The following MDFIC2 variants were observed in gnomAD, a reference collection of about 807,000 sequenced individuals.
MDFIC2 encodes the protein MyoD family inhibitor domain containing 2, also known as myoD family inhibitor domain-containing protein 2.
chr3:70,230,740 C>T (rs1398335100), intron 2 of MDFIC2, among the ~76,000 whole-genome samples: 1 of 152,118 alleles, frequency 6.6e-6, no homozygotes, highest in East Asian at 1.9e-4. Flanking sequence ...AGAATTCATC[C>T]CATGCCTTCA....
At chr3:70,274,080 T>C (rs553994700) in intron 2 of MDFIC2, among the ~76,000 whole-genome samples, 16 of 149,452 alleles carry the variant, frequency 1.1e-4, no homozygotes, top group African/African-American at 3.2e-4. Flanking sequence ...TGTGTGTGTG[T>C]GTGTGTGTGT....
rs915748876 is a variant in MDFIC2 at position 70,310,446 on chromosome 3, A to G, written c.88+1440T>C. ...AGTGGTGTGATCTCGGCTCACTGCA[A>G]CCTCTGCCTCCCCAGTTCAAGCGAT... On this transcript the variant is annotated intron_variant, in intron 2 of 3. Coordinates refer to ENST00000567252, the MANE Select transcript of MDFIC2 (RefSeq NM_001364677.1). Among the ~76,000 whole-genome samples the G allele has an allele frequency of 2.0e-5, 3 of 150,432 alleles. No homozygotes were observed. In the South Asian group the frequency reaches 6.4e-4, roughly 32 times the overall value.
intron 2 of MDFIC2, among the ~76,000 whole-genome samples, chr3:70,239,244 T>C (rs1233037678): frequency 6.6e-6 from 1 of 152,190 alleles, no homozygotes; most frequent in Non-Finnish European, 1.5e-5. Flanking sequence ...CTTGTAGATA[T>C]TGTTATCTTG....
intron 2 of MDFIC2, among the ~76,000 whole-genome samples, chr3:70,309,625 C>T (rs1354757019): frequency 6.6e-6 from 1 of 152,100 alleles, no homozygotes; most frequent in East Asian, 1.9e-4. Flanking sequence ...GCTCTTTTTA[C>T]TGCACCACTT....
chr3:70,305,987 A>T (rs1702396101), intron 2 of MDFIC2, among the ~76,000 whole-genome samples: 2 of 152,186 alleles, frequency 1.3e-5, no homozygotes, highest in Non-Finnish European at 2.9e-5. Context: ...TAATTCTGAT[A>T]ACCATGATAA....
intron 2 of MDFIC2, among the ~76,000 whole-genome samples, chr3:70,305,547 A>G (rs1428545804): frequency 6.6e-6 from 1 of 152,244 alleles, no homozygotes; most frequent in Non-Finnish European, 1.5e-5. Flanking sequence ...AAAGCACTTA[A>G]GTACATGAGT....
At chr3:70,309,738 A>T (rs1360717308) in intron 2 of MDFIC2, among the ~76,000 whole-genome samples, 2 of 152,232 alleles carry the variant, frequency 1.3e-5, no homozygotes, top group African/African-American at 4.8e-5. Flanking sequence ...CCCAATTAAG[A>T]TGTTGTCATC....
chr3:70,276,466 A>C (rs1702027575), intron 2 of MDFIC2, among the ~76,000 whole-genome samples: 1 of 152,184 alleles, frequency 6.6e-6, no homozygotes, highest in African/African-American at 2.4e-5. Context: ...TTTTTAGGAT[A>C]ATACTTAGAA....
At chr3:70,294,110 ATTCTCAGT>A (rs1176302156) in intron 2 of MDFIC2, among the ~76,000 whole-genome samples, 1 of 152,162 alleles carries the variant, frequency 6.6e-6, no homozygotes, top group Non-Finnish European at 1.5e-5. Flanking sequence ...TAAGTTTCCT[ATTCTCAGT>A]GTTTTAGAAA....
At chr3:70,258,126 A>G (rs1480943495) in intron 2 of MDFIC2, among the ~76,000 whole-genome samples, 2 of 152,196 alleles carry the variant, frequency 1.3e-5, no homozygotes. Context: ...ATCATAGACA[A>G]AAAAATTAAT....
chr3:70,196,943 C>T lies in MDFIC2; in HGVS notation c.553G>A (p.Glu185Lys), dbSNP rs954204224. 5.0e-6 allele frequency: 2 copies of T among 398,436 alleles called. No individual in the cohort carries two copies. The highest frequency in any genetic ancestry group is 4.4e-5 in the Admixed American group (1 of 22,706). The allele number at this position is 398,436 out of a possible 1,614,324, so 24.7% of individuals were successfully genotyped here. Residue 185 changes from glutamate (E) to lysine (K), a missense_variant, in exon 4 of 4, where the codon GAA becomes AAA. Physicochemically the swap from Glu to Lys is moderately conservative, Grantham distance 56. Transcript: ENST00000567252. Reference sequence around the variant, plus strand: ...TCACTGTGCTAGCGGTAACAGATTTCTGAAATCTCCATGGCCAGTTCCAGA... The same window carrying T: ...TCACTGTGCTAGCGGTAACAGATTTTTGAAATCTCCATGGCCAGTTCCAGA... ...ECLELAMEISEICYR is the reference protein window; with the variant it reads ...ECLELAMEISKICYR
intron 2 of MDFIC2, among the ~76,000 whole-genome samples, chr3:70,241,246 T>C (rs1172149365): frequency 1.3e-5 from 2 of 152,144 alleles, no homozygotes; most frequent in Non-Finnish European, 2.9e-5. Context: ...TCTTTAGAGG[T>C]GTGTCTTTAT....
intron 2 of MDFIC2, among the ~76,000 whole-genome samples, chr3:70,279,638 G>T (rs949523873): frequency 3.9e-5 from 6 of 152,144 alleles, no homozygotes; most frequent in Non-Finnish European, 8.8e-5. Flanking sequence ...TGCGCTACAT[G>T]CTGAGTCCTA....
intron 2 of MDFIC2, among the ~76,000 whole-genome samples, chr3:70,284,559 A>G (rs1702122009): frequency 6.6e-6 from 1 of 152,192 alleles, no homozygotes; most frequent in Admixed American, 6.6e-5. Flanking sequence ...ACGGAATACT[A>G]TGCAGCCATA....
At chr3:70,208,773 A>G (rs1044950230) in intron 2 of MDFIC2, among the ~76,000 whole-genome samples, 1 of 152,090 alleles carries the variant, frequency 6.6e-6, no homozygotes, top group African/African-American at 2.4e-5. Context: ...GTCTGGTAAT[A>G]CACAACTGTC....
chr3:70,245,047 C>T (rs1305483089), intron 2 of MDFIC2, among the ~76,000 whole-genome samples: 3 of 152,082 alleles, frequency 2.0e-5, no homozygotes, highest in Non-Finnish European at 4.4e-5. Context: ...TTTGGAATTG[C>T]AATCAGGGAT....
At chr3:70,213,319 T>C (rs759141499) in intron 2 of MDFIC2, among the ~76,000 whole-genome samples, 1 of 152,148 alleles carries the variant, frequency 6.6e-6, no homozygotes, top group Non-Finnish European at 1.5e-5. Context: ...AAGTTTTTCT[T>C]GTGAGCAGTA....
chr3:70,285,303 T>C (rs577325216), intron 2 of MDFIC2, among the ~76,000 whole-genome samples: 30 of 149,320 alleles, frequency 2.0e-4, no homozygotes, highest in Middle Eastern at 7.0e-3. Context: ...TGAGAATATG[T>C]GGTGTTTGGT....
chr3:70,263,750 A>G (rs1001744181), intron 2 of MDFIC2, among the ~76,000 whole-genome samples: 3 of 151,922 alleles, frequency 2.0e-5, no homozygotes, highest in Non-Finnish European at 2.9e-5. Flanking sequence ...CCAAATTTCA[A>G]TTTGTCTTTC....
Sources: gnomAD v4.1 joint callset for allele counts (sites outside exome capture counted in the v4.1 genomes callset) on GRCh38, gnomAD v4.1.1 for gene constraint, MANE v1.5 for transcripts, NCBI Gene and HGNC (gene_info 2026-07-23, HGNC 2026-07-21) for gene names.